The following RYR2 variants were observed in gnomAD, a reference collection of about 807,000 sequenced individuals.
RYR2 encodes the protein ryanodine receptor 2.
RYR2 carries 227 observed loss-of-function variants against 601.1 expected under a neutral mutation model. The ratio of observed to expected loss-of-function variants is 0.38; its 90% CI spans 0.34 to 0.42. The LOEUF (loss-of-function observed/expected upper bound fraction) is 0.42. Among genes scored for constraint, RYR2 ranks in the 10% least tolerant of loss-of-function variants. The pLI, the probability that RYR2 is intolerant of heterozygous loss-of-function variation, is 1.00. For missense variants in RYR2, 4,646 were observed against 6,156.5 expected, an observed-to-expected ratio of 0.75 and a Z score of 8.21; for synonymous variants, 2,223 against 2,175.1, an observed-to-expected ratio of 1.02 and a Z score of -0.61.
chr1:237,535,245 G>A (rs1249986724), intron 25 of RYR2, among the ~76,000 whole-genome samples: 3 of 151,798 alleles, frequency 2.0e-5, no homozygotes, highest in Non-Finnish European at 2.9e-5. Context: ...GATGCCAAGA[G>A]CCTGTTTTAA....
At chr1:237,254,990 A>G (rs980576655) in intron 1 of RYR2, among the ~76,000 whole-genome samples, 2 of 152,106 alleles carry the variant, frequency 1.3e-5, no homozygotes, top group Non-Finnish European at 2.9e-5. Context: ...TTTAACAGCC[A>G]TTTCTTTGGG....
At chr1:237,698,001 C>T (rs1687641824) in intron 63 of RYR2, among the ~76,000 whole-genome samples, 1 of 151,952 alleles carries the variant, frequency 6.6e-6, no homozygotes, top group Admixed American at 6.6e-5. Context: ...GTACTTAGGT[C>T]ATTCATTTTA....
chr1:237,671,371 C>G (rs958748851), intron 58 of RYR2, among the ~76,000 whole-genome samples: 1 of 152,074 alleles, frequency 6.6e-6, no homozygotes, highest in Non-Finnish European at 1.5e-5. Context: ...TTTTCTCACT[C>G]AGAGACATTA....
intron 17 of RYR2, among the ~76,000 whole-genome samples, chr1:237,491,383 C>T (rs1224850634): frequency 6.6e-6 from 1 of 152,108 alleles, no homozygotes; most frequent in Non-Finnish European, 1.5e-5. Context: ...CCTGTCCCCT[C>T]CCCCACTCAC....
chr1:237,101,082 T>A (rs1480187678), intron 1 of RYR2, among the ~76,000 whole-genome samples: 1 of 152,144 alleles, frequency 6.6e-6, no homozygotes, highest in African/African-American at 2.4e-5. Context: ...GGCTTCCCTT[T>A]CAGTCTGGCC....
intron 101 of RYR2, among the ~76,000 whole-genome samples, chr1:237,826,265 C>A (rs899031018): frequency 6.6e-6 from 1 of 152,116 alleles, no homozygotes; most frequent in African/African-American, 2.4e-5. Context: ...GGAACCAACC[C>A]AAATGCCCAT....
At chr1:237,289,315 A>G (rs891514311) in intron 2 of RYR2, among the ~76,000 whole-genome samples, 2 of 152,076 alleles carry the variant, frequency 1.3e-5, no homozygotes, top group Admixed American at 6.5e-5. Context: ...CCTGCCTCCC[A>G]TCCACCATGA....
rs543257210 is a variant in RYR2, at chr1:237,513,379, T to G, written c.2822+1588T>G. Among the ~76,000 whole-genome samples the G allele has an allele frequency of 2.6e-5, 4 of 152,338 alleles. No homozygotes were observed. In the South Asian group the frequency reaches 8.3e-4, roughly 32 times the overall value. On this transcript the variant is annotated intron_variant, in intron 24 of 104. Coordinates refer to ENST00000366574, the MANE Select transcript of RYR2 (RefSeq NM_001035.3). ...TTACGTACAAAACTCTAGTCCTTTTTGTTTGTTTCAGTTTTGTTAAGAGTA... is the reference window on the plus strand; with the variant it reads ...TTACGTACAAAACTCTAGTCCTTTTGGTTTGTTTCAGTTTTGTTAAGAGTA...
At chr1:237,323,662 G>A (rs917856970) in intron 2 of RYR2, among the ~76,000 whole-genome samples, 4 of 152,158 alleles carry the variant, frequency 2.6e-5, no homozygotes, top group African/African-American at 9.7e-5. Context: ...AATTCACTAG[G>A]GATTTTCATA....
At position 237,755,007 on chromosome 1, in the gene RYR2, G is replaced by A. The variant is rs1573815966; in HGVS notation, c.11146-1281G>A. On this transcript the variant is annotated intron_variant, in intron 80 of 104. Transcript: ENST00000366574. ...TTAAGAAAACATAAAATTAACCACA[G>A]GAGCGCTAACTATAGTGTGACAAAA... The A allele has an allele frequency of 6.7e-6, 7 of 1,038,382 alleles. No individual in the cohort carries two copies. In the East Asian group the frequency reaches 2.4e-4, roughly 36 times the overall value. 64.3% of individuals were successfully genotyped at this position (1,038,382 alleles called of 1,614,324 possible).
intron 1 of RYR2, among the ~76,000 whole-genome samples, chr1:237,050,956 G>A (rs1661187872): frequency 6.6e-6 from 1 of 152,188 alleles, no homozygotes; most frequent in Non-Finnish European, 1.5e-5. Flanking sequence ...CATGAGGAAA[G>A]TTCGGTCTCA....
Position 237,770,890 on chromosome 1 carries a change from T to C in RYR2, c.11557+3T>C, listed in dbSNP as rs1347711575. 3 of 1,536,680 alleles carry C rather than the reference T, an allele frequency of 2.0e-6. No homozygotes were observed. Among genetic ancestry groups the C allele is most frequent in the Non-Finnish European group, 2.6e-6 (3 of 1,134,734 alleles). On this transcript the variant is annotated splice_donor_region_variant and intron_variant, in intron 85 of 104. Transcript: ENST00000366574. ...ACTCTGTGAGGGACACAACTCAGGT[T>C]TGTGAGTCCCCGGAACTTCTGATGA...
intron 2 of RYR2, among the ~76,000 whole-genome samples, chr1:237,300,560 T>G (rs541409083): frequency 1.3e-5 from 2 of 152,304 alleles, no homozygotes; most frequent in East Asian, 3.9e-4. Flanking sequence ...GCTCCAGTGA[T>G]AAACTTTTCA....
chr1:237,638,904 T>G, intron 45 of RYR2, 111 bp from the exon 46 acceptor site: 1 of 1,243,010 alleles, frequency 8.0e-7, no homozygotes, highest in Non-Finnish European at 1.1e-6. Context: ...TATTAGTATA[T>G]TGTTGGGTTT....
chr1:237,183,275 A>C (rs1678991560), intron 1 of RYR2, among the ~76,000 whole-genome samples: 1 of 152,214 alleles, frequency 6.6e-6, no homozygotes, highest in Admixed American at 6.5e-5. Context: ...CTATTCATGA[A>C]GCATTTGGTA....
At chr1:237,317,153 T>G (rs1248835559) in intron 2 of RYR2, among the ~76,000 whole-genome samples, 1 of 152,114 alleles carries the variant, frequency 6.6e-6, no homozygotes, top group Non-Finnish European at 1.5e-5. Context: ...ATGCAAAACT[T>G]CCAATTCAAA....
intron 29 of RYR2, among the ~76,000 whole-genome samples, chr1:237,586,341 T>C (rs938596605): frequency 6.6e-6 from 1 of 152,244 alleles, no homozygotes; most frequent in Admixed American, 6.5e-5. Flanking sequence ...GAATAGATTA[T>C]TTCTCTTTTT....
intron 85 of RYR2, among the ~76,000 whole-genome samples, chr1:237,771,253 T>A (rs1403208835): frequency 1.3e-5 from 2 of 151,714 alleles, no homozygotes; most frequent in Non-Finnish European, 2.9e-5. Flanking sequence ...CTACAAAAAA[T>A]TTAAAAAATT....
intron 2 of RYR2, among the ~76,000 whole-genome samples, chr1:237,303,176 A>G (rs138366984): frequency 6.6e-6 from 1 of 152,052 alleles, no homozygotes; most frequent in Non-Finnish European, 1.5e-5. Context: ...ATGATATTGC[A>G]TGTATATAAC....
Sources: allele counts gnomAD v4.1 joint callset (sites outside exome capture counted in the v4.1 genomes callset), GRCh38; gene constraint gnomAD v4.1.1; transcripts MANE v1.5; gene names NCBI Gene and HGNC (gene_info 2026-07-23, HGNC 2026-07-21).